Variants in FGGY observed in about 807,000 individuals in gnomAD.
The protein encoded by FGGY is FGGY carbohydrate kinase domain containing, also known as FGGY carbohydrate kinase domain-containing protein.
A neutral mutation model predicts 71.3 loss-of-function variants in FGGY; 72 were observed. That is an observed-to-expected ratio of 1.01 (90% CI 0.84 to 1.23). The LOEUF is 1.23. Ranked by LOEUF, FGGY falls within the 50% of genes most tolerant of loss-of-function variation. The pLI, the probability that FGGY is intolerant of heterozygous loss-of-function variation, is 0.00. For synonymous variants in FGGY, 251 were observed against 250.3 expected (o/e 1.00, Z -0.02); for missense variants, 668 against 682.3 (o/e 0.98, Z 0.23).
intron 1 of FGGY, among the ~76,000 whole-genome samples, chr1:59,313,588 GCACA>G (rs767300826): frequency 1.3e-5 from 2 of 149,586 alleles, no homozygotes; most frequent in Non-Finnish European, 3.0e-5. Context: ...ACACACGCAC[GCACA>G]CACACACACA....
At position 59,623,223 on chromosome 1, in the gene FGGY, A is replaced by G. The variant is rs183504404; in HGVS notation, c.1012-2765A>G. Among the ~76,000 whole-genome samples, 17 of 152,098 alleles carry G rather than the reference A, an allele frequency of 1.1e-4. 1 individual carries two copies. In the East Asian group the frequency reaches 2.9e-3, roughly 26 times the overall value. On this transcript the variant is annotated intron_variant, in intron 9 of 15. Coordinates refer to ENST00000303721, the MANE Select transcript of FGGY (RefSeq NM_018291.5). The stretch of plus-strand genomic sequence containing the variant: ...CTCCCTGTCCTTTATACATTACCAA[A>G]TTTTTCTTAACTTTTCATCATTTTT...
At chr1:59,298,399 T>C (rs886529480) in intron 1 of FGGY, among the ~76,000 whole-genome samples, 5 of 152,268 alleles carry the variant, frequency 3.3e-5, no homozygotes, top group African/African-American at 1.2e-4. Context: ...GTTGGGAGCC[T>C]GCCTGGCTGG....
chr1:59,703,197 C>T (rs1354576967), intron 14 of FGGY, among the ~76,000 whole-genome samples: 1 of 152,188 alleles, frequency 6.6e-6, no homozygotes, highest in African/African-American at 2.4e-5. Flanking sequence ...TGTTGCCTTT[C>T]TTCCTCAGGT....
chr1:59,701,324 T>A (rs1006329479), intron 14 of FGGY, among the ~76,000 whole-genome samples: 7 of 152,138 alleles, frequency 4.6e-5, no homozygotes, highest in African/African-American at 1.7e-4. Flanking sequence ...TTCACACAAG[T>A]TTGGTGACTC....
intron 14 of FGGY, among the ~76,000 whole-genome samples, chr1:59,691,759 C>T (rs758478502): frequency 6.6e-6 from 1 of 151,840 alleles, no homozygotes; most frequent in Non-Finnish European, 1.5e-5. Flanking sequence ...CATACACCCC[C>T]ACATCCGTCC....
chr1:59,576,628 A>G (rs2096079884), intron 8 of FGGY, among the ~76,000 whole-genome samples: 1 of 151,790 alleles, frequency 6.6e-6, no homozygotes, highest in African/African-American at 2.4e-5. Context: ...AAATTTTTCC[A>G]GTGAGAGTGA....
intron 5 of FGGY, among the ~76,000 whole-genome samples, chr1:59,413,841 G>A (rs1453766809): frequency 1.3e-5 from 2 of 152,150 alleles, no homozygotes; most frequent in Non-Finnish European, 2.9e-5. Flanking sequence ...CATGCCTGTA[G>A]TCCCATCTCC....
At chr1:59,457,211 A>G (rs1167843812) in intron 6 of FGGY, 135 bp downstream of exon 6, 1 of 650,706 alleles carries the variant, frequency 1.5e-6, no homozygotes, top group Non-Finnish European at 2.7e-6. Context: ...TTTCCAAGAC[A>G]AATGAGTTAA....
intron 4 of FGGY, among the ~76,000 whole-genome samples, chr1:59,354,395 C>T (rs1202669164): frequency 6.6e-6 from 1 of 152,148 alleles, no homozygotes; most frequent in Non-Finnish European, 1.5e-5. Context: ...TTGTCTTTTA[C>T]AGATGAGGAA....
chr1:59,343,093 C>G (rs1349419760), intron 3 of FGGY, among the ~76,000 whole-genome samples: 1 of 152,084 alleles, frequency 6.6e-6, no homozygotes, highest in African/African-American at 2.4e-5. Flanking sequence ...ATAATTGGGG[C>G]TGGGAGAGGG....
In FGGY at chr1:59,721,492, C is replaced by G. The variant is rs186679530; in HGVS notation, c.1513-36439C>G. Among the ~76,000 whole-genome samples, 922 of 152,034 alleles carry G rather than the reference C, an allele frequency of 6.1e-3. 14 individuals carry two copies. The highest frequency in any genetic ancestry group is 0.022 in the African/African-American group (896 of 41,450). ...CAACTGGGAGTACAGGCGTGCACCACCACACCCGGCTAATTTTGTATTTTT... is the reference window on the plus strand; with the variant it reads ...CAACTGGGAGTACAGGCGTGCACCAGCACACCCGGCTAATTTTGTATTTTT... On this transcript the variant is annotated intron_variant, in intron 14 of 15. Transcript: ENST00000303721.
At chr1:59,537,924 A>G (rs1264952282) in intron 7 of FGGY, among the ~76,000 whole-genome samples, 3 of 152,166 alleles carry the variant, frequency 2.0e-5, no homozygotes, top group Non-Finnish European at 2.9e-5. Context: ...TACCATTCAG[A>G]ACATAGGCAT....
intron 6 of FGGY, among the ~76,000 whole-genome samples, chr1:59,484,905 T>C (rs2093612822): frequency 6.6e-6 from 1 of 152,198 alleles, no homozygotes; most frequent in African/African-American, 2.4e-5. Flanking sequence ...GTTTTATTAT[T>C]TTTCCAGCTC....
intron 6 of FGGY, among the ~76,000 whole-genome samples, chr1:59,478,106 G>A (rs572744950): frequency 6.6e-6 from 1 of 152,278 alleles, no homozygotes; most frequent in South Asian, 2.1e-4. Context: ...TTGCCAGATT[G>A]GGAAAGTAAT....
chr1:59,741,266 T>A (rs535014356), intron 14 of FGGY, among the ~76,000 whole-genome samples: 1 of 151,742 alleles, frequency 6.6e-6, no homozygotes, highest in Admixed American at 6.6e-5. Flanking sequence ...TGGTGGGAGG[T>A]GATTGGATTT....
chr1:59,334,236 G>A (rs181347752), intron 2 of FGGY, among the ~76,000 whole-genome samples: 7 of 152,224 alleles, frequency 4.6e-5, no homozygotes, highest in Admixed American at 3.9e-4. Flanking sequence ...TTTGCCTCCT[G>A]GGTTGAAGCA....
chr1:59,692,541 A>G (rs889116706), intron 14 of FGGY, among the ~76,000 whole-genome samples: 1 of 152,094 alleles, frequency 6.6e-6, no homozygotes, highest in Non-Finnish European at 1.5e-5. Context: ...ATTAACTCCA[A>G]GGATTATCAT....
chr1:59,502,855 T>A (rs908740142), intron 6 of FGGY, among the ~76,000 whole-genome samples: 15 of 152,218 alleles, frequency 9.9e-5, no homozygotes, highest in Admixed American at 2.0e-4. Flanking sequence ...GTCTCTGTTT[T>A]TGGAACAGAG....
At chr1:59,502,685 A>G (rs2094262600) in intron 6 of FGGY, among the ~76,000 whole-genome samples, 1 of 152,194 alleles carries the variant, frequency 6.6e-6, no homozygotes, top group South Asian at 2.1e-4. Flanking sequence ...ACAACGTGGA[A>G]GAAGCCTTCC....
Sources: allele counts gnomAD v4.1 joint callset (sites outside exome capture counted in the v4.1 genomes callset), GRCh38; gene constraint gnomAD v4.1.1; transcripts MANE v1.5; gene names NCBI Gene and HGNC (gene_info 2026-07-23, HGNC 2026-07-21).